BFSP2: variants seen among roughly 807,000 people sequenced by gnomAD.
BFSP2 encodes phakinin.
In BFSP2, 38 loss-of-function variants were observed where a neutral mutation model predicts 44.9. The observed-to-expected ratio is 0.85, with a 90% CI of 0.65 to 1.11. BFSP2 has a LOEUF of 1.11. BFSP2 is among the 50% of genes least tolerant of loss of function. The probability of loss-of-function intolerance (pLI) is 0.00; values close to 1 mark genes in which losing one functional copy is unlikely to be tolerated. For missense variants in BFSP2, 525 were observed against 533.0 expected, an observed-to-expected ratio of 0.99 and a Z score of 0.15; for synonymous variants, 197 against 209.9, an observed-to-expected ratio of 0.94 and a Z score of 0.53.
chr3:133,474,467 A>G (rs2074196422), intron 6 of BFSP2, among the ~76,000 whole-genome samples: 1 of 152,214 alleles, frequency 6.6e-6, no homozygotes, highest in Admixed American at 6.5e-5. Context: ...CCTGCTTTCA[A>G]ATGGAAAATA....
chr3:133,456,841 A>C (rs2074017252), intron 4 of BFSP2, among the ~76,000 whole-genome samples: 1 of 152,198 alleles, frequency 6.6e-6, no homozygotes. Flanking sequence ...TGACTGCTCT[A>C]TTAGAGGACA....
intron 5 of BFSP2, among the ~76,000 whole-genome samples, chr3:133,469,650 G>T (rs2074144037): frequency 6.6e-6 from 1 of 152,202 alleles, no homozygotes; most frequent in Non-Finnish European, 1.5e-5. Context: ...TGTCTGCGTG[G>T]CTGACTGAGC....
intron 4 of BFSP2, 107 bp from the exon 5 acceptor site, chr3:133,466,721 T>C: frequency 2.5e-6 from 2 of 812,878 alleles, no homozygotes; most frequent in Middle Eastern, 4.1e-4. Context: ...GACAGCTGTA[T>C]TTCCTCTGGT....
chr3:133,460,554 A>G (rs893927960), intron 4 of BFSP2, among the ~76,000 whole-genome samples: 1 of 152,218 alleles, frequency 6.6e-6, no homozygotes, highest in African/African-American at 2.4e-5. Flanking sequence ...CACCATGCCC[A>G]GCTGATTTCT....
chr3:133,450,016 A>AGGAAGGAAGGAAGGAAGGAG (rs1225503133), intron 3 of BFSP2, among the ~76,000 whole-genome samples: 195 of 93,024 alleles, frequency 2.1e-3, no homozygotes, highest in African/African-American at 5.8e-3. Context: ...GAAGGAAGGA[A>AGGAAGGAAGGAAGGAAGGAG]GGAGGGAGGG....
At chr3:133,431,412 A>G (rs1270658371) in intron 1 of BFSP2, among the ~76,000 whole-genome samples, 1 of 152,172 alleles carries the variant, frequency 6.6e-6, no homozygotes, top group Non-Finnish European at 1.5e-5. Context: ...TTCAAGTGCC[A>G]GAAATCTGAC....
At chr3:133,421,645 A>T (rs2073593427) in intron 1 of BFSP2, among the ~76,000 whole-genome samples, 1 of 152,224 alleles carries the variant, frequency 6.6e-6, no homozygotes, top group African/African-American at 2.4e-5. Flanking sequence ...TATCTTTTGG[A>T]TGGTACACAA....
chr3:133,443,865 A>G (rs2073868747), intron 1 of BFSP2, among the ~76,000 whole-genome samples: 2 of 152,074 alleles, frequency 1.3e-5, no homozygotes, highest in African/African-American at 4.8e-5. Flanking sequence ...CATTCATTGT[A>G]CCCTTGGGCC....
chr3:133,415,462 C>T (rs2073513571), intron 1 of BFSP2, among the ~76,000 whole-genome samples: 2 of 117,502 alleles, frequency 1.7e-5, no homozygotes, highest in African/African-American at 7.0e-5. Context: ...TCACTCCTGT[C>T]CTCTCCCCTC....
intron 4 of BFSP2, among the ~76,000 whole-genome samples, chr3:133,462,009 G>A (rs947144932): frequency 6.6e-6 from 1 of 152,124 alleles, no homozygotes; most frequent in African/African-American, 2.4e-5. Context: ...CCACTGCAAG[G>A]GATACTGTTT....
chr3:133,420,621 C>T (rs1028502342), intron 1 of BFSP2, among the ~76,000 whole-genome samples: 2 of 152,256 alleles, frequency 1.3e-5, no homozygotes, highest in Middle Eastern at 3.4e-3. Flanking sequence ...CATGGTTTTC[C>T]TTCCTTACAG....
chr3:133,403,463 T>C (rs1342513011), intron 1 of BFSP2, among the ~76,000 whole-genome samples: 9 of 151,704 alleles, frequency 5.9e-5, no homozygotes, highest in Admixed American at 4.6e-4. Context: ...CAGAGCAAGC[T>C]CTCAGCAACT....
chr3:133,447,605 T>C (rs985304795), intron 2 of BFSP2, among the ~76,000 whole-genome samples: 1 of 152,074 alleles, frequency 6.6e-6, no homozygotes, highest in Non-Finnish European at 1.5e-5. Flanking sequence ...CCACTGTCAG[T>C]TGGTTTAGAG....
At chr3:133,424,821 G>T (rs1027442519) in intron 1 of BFSP2, among the ~76,000 whole-genome samples, 4 of 152,166 alleles carry the variant, frequency 2.6e-5, no homozygotes, top group Non-Finnish European at 5.9e-5. Context: ...TTTTAGTAGA[G>T]ACAGTGTTTC....
At chr3:133,463,335 G>A (rs1459568430) in intron 4 of BFSP2, among the ~76,000 whole-genome samples, 1 of 152,038 alleles carries the variant, frequency 6.6e-6, no homozygotes, top group Non-Finnish European at 1.5e-5. Flanking sequence ...AAAAACTCTA[G>A]AGCAGAAACA....
chr3:133,471,611 G>A (rs1053750055), intron 5 of BFSP2, among the ~76,000 whole-genome samples: 7 of 152,116 alleles, frequency 4.6e-5, no homozygotes, highest in East Asian at 1.9e-4. Context: ...AATTATCAAC[G>A]CAGGACGTGG....
intron 1 of BFSP2, among the ~76,000 whole-genome samples, chr3:133,422,861 C>A (rs1342730557): frequency 6.6e-6 from 1 of 151,986 alleles, no homozygotes; most frequent in East Asian, 1.9e-4. Context: ...AACGCCTCAC[C>A]CAAGTTCACA....
intron 1 of BFSP2, among the ~76,000 whole-genome samples, chr3:133,446,991 C>A (rs1299602038): frequency 2.0e-5 from 3 of 152,026 alleles, no homozygotes; most frequent in Non-Finnish European, 4.4e-5. Context: ...GAAACTTCAT[C>A]TAAGGAGCCG....
intron 5 of BFSP2, among the ~76,000 whole-genome samples, chr3:133,470,054 G>A (rs2074147717): frequency 6.6e-6 from 1 of 152,330 alleles, no homozygotes; most frequent in East Asian, 1.9e-4. Context: ...ACCCAGGGAG[G>A]TTGGAACAAA....
Sources: gnomAD v4.1 joint callset for allele counts (sites outside exome capture counted in the v4.1 genomes callset) on GRCh38, gnomAD v4.1.1 for gene constraint, MANE v1.5 for transcripts, NCBI Gene and HGNC (gene_info 2026-07-23, HGNC 2026-07-21) for gene names.